LACTBL1: variants seen among roughly 807,000 people sequenced by gnomAD.
The protein encoded by LACTBL1 is lactamase beta like 1.
LACTBL1 carries 29 observed loss-of-function variants against 39.6 expected under a neutral mutation model. That is an observed-to-expected ratio of 0.73 (90% confidence interval 0.55 to 1.00). The LOEUF (loss-of-function observed/expected upper bound fraction) is 1.00, where lower values mean the gene tolerates loss of function less well. LACTBL1 is among the 50% of genes least tolerant of loss of function. The probability of loss-of-function intolerance (pLI) is 0.00; values close to 1 mark genes in which losing one functional copy is unlikely to be tolerated. For missense variants in LACTBL1, 711 were observed against 748.5 expected (o/e 0.95, Z 0.59); for synonymous variants, 361 against 360.7 (o/e 1.00, Z -0.01).
chr1:22,972,574 G>T, the LACTBL1 span: 1 of 312,102 alleles, frequency 3.2e-6, no homozygotes, highest in Non-Finnish European at 4.7e-6. Context: ...CCTGCCAGGT[G>T]ACCCGGCATC....
chr1:22,955,260 G>A (rs1570497838), intron 5 of LACTBL1, 61 bp downstream of exon 7: 4 of 1,330,356 alleles, frequency 3.0e-6, no homozygotes, highest in Non-Finnish European at 4.2e-6. Flanking sequence ...TCTTTGCCAG[G>A]CAGGTGTGTC....
chr1:22,965,597 T>A (rs570685112), upstream of LACTBL1, among the ~76,000 whole-genome samples: 2 of 152,218 alleles, frequency 1.3e-5, no homozygotes, highest in East Asian at 3.9e-4. Flanking sequence ...TGTGACTCTT[T>A]CAATAGTTCT....
In LACTBL1 at chr1:22,953,111, C is replaced by T. The variant is rs183423016; in HGVS notation, c.1573G>A (p.Asp525Asn). The change falls in exon 6 of 6, where the codon GAC (aspartate) becomes AAC (asparagine). Residue 525 changes from aspartate (D) to asparagine (N), a missense_variant. Coordinates refer to ENST00000426928, the Ensembl canonical transcript of LACTBL1. ...CTGTACGTGTTGAGGCCGGGCACGT[C>T]GAAGCCGGGTGACAGCCCGTGGTGA... 4.3e-3 allele frequency: 5,255 copies of T among 1,229,940 alleles called. 12 individuals are homozygous for T. The highest frequency in any genetic ancestry group is 4.7e-3 in the Non-Finnish European group (4,649 of 985,896). 76.2% of individuals were successfully genotyped at this position (1,229,940 alleles called of 1,614,324 possible). A position where few individuals can be genotyped will look rare whatever the true frequency, so the allele number is the denominator to read the frequency against.
chr1:22,959,879 T>C, intron 3 of LACTBL1, 63 bp downstream of exon 5: 23 of 1,526,924 alleles, frequency 1.5e-5, no homozygotes, highest in Non-Finnish European at 2.0e-5. Context: ...CCTTACCTCC[T>C]AGGTCTCCCT....
intron 4 of LACTBL1, among the ~76,000 whole-genome samples, chr1:22,957,796 G>A (rs556656218): frequency 2.7e-4 from 41 of 151,728 alleles, no homozygotes; most frequent in Non-Finnish European, 4.4e-4. Flanking sequence ...GATTACAGGC[G>A]CAAGCCACCA....
chr1:22,967,477 G>A (rs1167698006), upstream of LACTBL1, among the ~76,000 whole-genome samples: 4 of 151,966 alleles, frequency 2.6e-5, no homozygotes, highest in African/African-American at 7.3e-5. Flanking sequence ...CTGGGAGGTC[G>A]TCGAGGCTGC....
chr1:22,953,842 C>T (rs1031871457), exon 6 of LACTBL1: 4 of 1,548,138 alleles, frequency 2.6e-6, no homozygotes, highest in Non-Finnish European at 3.5e-6. Context: ...CGCCGGCCGC[C>T]CGCTGCCGTA....
chr1:22,964,736 AG>A (rs1321436096), intron 1 of LACTBL1, among the ~76,000 whole-genome samples: 1 of 152,212 alleles, frequency 6.6e-6, no homozygotes, highest in Non-Finnish European at 1.5e-5. Flanking sequence ...GGACCCAGGT[AG>A]GGGCTAGTGT....
chr1:22,953,541 C>A lies in LACTBL1; in HGVS notation c.1143G>T (p.Leu381=), dbSNP rs138936880. 9.3e-4 allele frequency: 1,162 copies of A among 1,248,156 alleles called. 8 individuals are homozygous for A. In the African/African-American group the frequency reaches 0.016, roughly 17 times the overall value. 77.3% of individuals were successfully genotyped at this position (1,248,156 alleles called of 1,614,324 possible). A position where few individuals can be genotyped will look rare whatever the true frequency, so the allele number is the denominator to read the frequency against. Residue 381 remains leucine (L), a synonymous_variant, in exon 6 of 6, where the codon CTG becomes CTT. Coordinates refer to ENST00000426928, the Ensembl canonical transcript of LACTBL1. ...GCCCTGCCAGCAGCAGCACCAGGCC[C>A]AGACGCAGCGGGGGCACCAGCGAGA...
intron 4 of LACTBL1, among the ~76,000 whole-genome samples, chr1:22,956,005 A>C (rs1235016188): frequency 6.7e-6 from 1 of 148,214 alleles, no homozygotes; most frequent in African/African-American, 2.5e-5. Flanking sequence ...TGGAGGTTGC[A>C]GTGAGCTGAG....
chr1:22,957,097 A>T (rs1445780696), intron 4 of LACTBL1, among the ~76,000 whole-genome samples: 2 of 152,064 alleles, frequency 1.3e-5, no homozygotes, highest in East Asian at 3.8e-4. Flanking sequence ...TATTATTTTA[A>T]TTATTTATAT....
At chr1:22,959,864 A>C in intron 3 of LACTBL1, 78 bp downstream of exon 5, 1 of 1,484,488 alleles carries the variant, frequency 6.7e-7, no homozygotes, top group South Asian at 1.3e-5. Flanking sequence ...GATTCTCTTC[A>C]GTATCCTTAC....
chr1:22,963,059 A>G (rs1037498062), intron 2 of LACTBL1, 48 bp downstream of exon 4: 16 of 1,057,910 alleles, frequency 1.5e-5, no homozygotes, highest in Non-Finnish European at 2.0e-5. Flanking sequence ...CCCCTTCATC[A>G]CCCAGGCCCA....
At chr1:22,965,330 G>T in exon 1 of LACTBL1, 1 of 1,315,724 alleles carries the variant, frequency 7.6e-7, no homozygotes, top group South Asian at 2.4e-5. Context: ...ACAGGAAGCA[G>T]CCAGTCATGA....
upstream of LACTBL1, among the ~76,000 whole-genome samples, chr1:22,968,053 T>C (rs917394398): frequency 6.6e-6 from 1 of 152,360 alleles, no homozygotes; most frequent in Middle Eastern, 3.4e-3. Flanking sequence ...CACGTGTTTA[T>C]TCTTTTACTA....
intron 5 of LACTBL1, among the ~76,000 whole-genome samples, chr1:22,954,308 T>G (rs972706497): frequency 6.6e-6 from 1 of 152,158 alleles, no homozygotes; most frequent in African/African-American, 2.4e-5. Flanking sequence ...CACACAAATC[T>G]TATTGGTCCT....
At chr1:22,972,407 G>A in the LACTBL1 span, 1 of 985,038 alleles carries the variant, frequency 1.0e-6, no homozygotes, top group South Asian at 4.7e-5. Flanking sequence ...TCAGAGGAGT[G>A]AAGGCAAAAA....
chr1:22,967,686 A>G (rs1640897498), upstream of LACTBL1, among the ~76,000 whole-genome samples: 1 of 152,146 alleles, frequency 6.6e-6, no homozygotes, highest in Non-Finnish European at 1.5e-5. Flanking sequence ...CTTATAATGT[A>G]ATGAATCCTT....
intron 2 of LACTBL1, among the ~76,000 whole-genome samples, chr1:22,961,394 C>T (rs1217300190): frequency 5.3e-5 from 8 of 152,140 alleles, no homozygotes; most frequent in South Asian, 2.1e-4. Context: ...ACCAGAGTCT[C>T]GCTCTGTCAC....
Sources: gnomAD v4.1 joint callset for allele counts (sites outside exome capture counted in the v4.1 genomes callset) on GRCh38, gnomAD v4.1.1 for gene constraint, MANE v1.5 for transcripts, NCBI Gene and HGNC (gene_info 2026-07-23, HGNC 2026-07-21) for gene names.